The following DGKG variants were observed in gnomAD, a reference collection of about 807,000 sequenced individuals.
DGKG encodes diacylglycerol kinase gamma.
In DGKG, 78 loss-of-function variants were observed where a neutral mutation model predicts 105.3. That is an observed-to-expected ratio of 0.74 (90% CI 0.62 to 0.89). DGKG has a LOEUF of 0.89. Ranked by LOEUF, DGKG falls within the 40% of genes least tolerant of loss-of-function variation. DGKG has a pLI of 0.00. For missense variants in DGKG, 958 were observed against 1,020.1 expected, an observed-to-expected ratio of 0.94 and a Z score of 0.83; for synonymous variants, 346 against 367.1, an observed-to-expected ratio of 0.94 and a Z score of 0.66.
rs567661387 is a variant in DGKG at position 186,175,382 on chromosome 3, G to A, written c.2096-10364C>T. 3.3e-5 allele frequency among the ~76,000 whole-genome samples: 5 copies of A among 152,274 alleles called. No individual in the cohort carries two copies. The East Asian group carries it at 9.7e-4, about 29-fold the overall frequency. On this transcript the variant is annotated intron_variant, in intron 22 of 24. Transcript: ENST00000265022. ...AACCTGCTCGTGTGGTGGGTGGGACGGGAAAAATGTGTCCTCCATTCTGTG... is the reference window on the plus strand; with the variant it reads ...AACCTGCTCGTGTGGTGGGTGGGACAGGAAAAATGTGTCCTCCATTCTGTG...
chr3:186,311,357 G>T (rs1724533329), intron 2 of DGKG, among the ~76,000 whole-genome samples: 1 of 152,168 alleles, frequency 6.6e-6, no homozygotes, highest in African/African-American at 2.4e-5. Flanking sequence ...GCTGTGCTTG[G>T]CAGACATTAT....
At chr3:186,275,984 C>T (rs1485591662) in intron 9 of DGKG, among the ~76,000 whole-genome samples, 1 of 147,736 alleles carries the variant, frequency 6.8e-6, no homozygotes, top group Non-Finnish European at 1.5e-5. Flanking sequence ...ATCTATCTAT[C>T]TATCTATCTA....
chr3:186,237,213 C>G (rs1720460678), intron 20 of DGKG, among the ~76,000 whole-genome samples: 1 of 151,692 alleles, frequency 6.6e-6, no homozygotes, highest in Non-Finnish European at 1.5e-5. Flanking sequence ...TGACTACTGG[C>G]AAAAGTGTCT....
intron 24 of DGKG, among the ~76,000 whole-genome samples, chr3:186,154,266 G>C (rs13082892): frequency 0.15 from 22,593 of 152,170 alleles, 1,780 homozygotes; most frequent in South Asian, 0.29. Context: ...ATGGCTTTCC[G>C]GTCTTAGTTG....
intron 5 of DGKG, among the ~76,000 whole-genome samples, chr3:186,296,112 C>CAAAAAAAAAAAAAAAAAAAA (rs36070727): frequency 4.9e-5 from 7 of 143,390 alleles, no homozygotes; most frequent in African/African-American, 1.9e-4. Context: ...TTATCTCAGA[C>CAAAAAAAAAAAAAAAAAAAA]AAAAAAAAAA....
At chr3:186,183,438 A>G (rs183600312) in intron 22 of DGKG, among the ~76,000 whole-genome samples, 21 of 152,138 alleles carry the variant, frequency 1.4e-4, no homozygotes, top group Admixed American at 2.6e-4. Flanking sequence ...CACTATTCTT[A>G]TTGTTGTTAC....
rs1727231704 is a variant in DGKG, at chr3:186,361,576, C to A, written c.-249+370G>T. 2.0e-5 allele frequency among the ~76,000 whole-genome samples: 3 copies of A among 152,146 alleles called. No homozygotes were observed. The highest frequency in any genetic ancestry group is 7.2e-5 in the African/African-American group (3 of 41,428). On this transcript the variant is annotated intron_variant, in intron 1 of 24. Transcript: ENST00000265022. This position sits in a 1 kb window ranked among gnomAD's most constrained non-coding sequence, Gnocchi z 6.8. ...CTCCTGCTTCTCGGACTGCCTGGAGCGCGAACTGGATATCAAGGAGCCAAG... is the reference window on the plus strand; with the variant it reads ...CTCCTGCTTCTCGGACTGCCTGGAGAGCGAACTGGATATCAAGGAGCCAAG...
At chr3:186,308,293 A>T (rs566944602) in intron 2 of DGKG, among the ~76,000 whole-genome samples, 1 of 152,234 alleles carries the variant, frequency 6.6e-6, no homozygotes, top group Non-Finnish European at 1.5e-5. Context: ...TTAAAAACAC[A>T]TTATGAATGC....
rs193059575 is a variant in DGKG, at chr3:186,306,918, G to A, written c.127C>T (p.Gln43Ter). The change falls in exon 3 of 25, where the codon CAA (glutamine) becomes TAA (stop). Residue 43 changes from glutamine (Q) to a stop codon, truncating the protein, a stop_gained. Coordinates refer to ENST00000265022, the MANE Select transcript of DGKG (RefSeq NM_001346.3). LOFTEE classifies it high-confidence loss of function. ...GTTCTTACCTCATGTGGGTCATATT[G>A]TTTGAGGCTCCCACCCTCATTAAAT... The part of the protein sequence containing the change: ...TEFNEGGSLK[Q>*]YDPHEPISYD... 6.2e-7 allele frequency: 1 copy of A among 1,610,674 alleles called. No homozygotes were observed. The highest frequency in any genetic ancestry group is 1.7e-5 in the Admixed American group (1 of 59,960).
At position 186,268,643 on chromosome 3, in the gene DGKG, C is replaced by T. The variant is rs912413171; in HGVS notation, c.1116+158G>A. 5.9e-5 allele frequency among the ~76,000 whole-genome samples: 9 copies of T among 152,330 alleles called. No homozygotes were observed. The South Asian group carries it at 1.0e-3, about 18-fold the overall frequency. On this transcript the variant is annotated intron_variant, in intron 12 of 24. Coordinates refer to ENST00000265022, the MANE Select transcript of DGKG (RefSeq NM_001346.3). ...GCAGCTTGGTAATTCACTGGAGCATCGTTAGGCTGAGGGCATTGAATAGGC... is the reference window on the plus strand; with the variant it reads ...GCAGCTTGGTAATTCACTGGAGCATTGTTAGGCTGAGGGCATTGAATAGGC...
chr3:186,164,089 A>T (rs1235213392), intron 23 of DGKG, among the ~76,000 whole-genome samples: 3 of 152,160 alleles, frequency 2.0e-5, no homozygotes, highest in Admixed American at 1.3e-4. Flanking sequence ...ATGTGCTCTG[A>T]TGACACTTGC....
rs1719549489 is a variant in DGKG, at chr3:186,221,031, G to GCACA, written c.1827-9150_1827-9147dup. On this transcript the variant is annotated intron_variant, in intron 20 of 24. Coordinates refer to ENST00000265022, the MANE Select transcript of DGKG (RefSeq NM_001346.3). ...CAAGGACACACGTGTGCACGTGCGG[G>GCACA]CACACACACAGGCCGCAACAAGAAG... is the stretch of plus-strand genomic sequence containing the variant. 9.2e-5 allele frequency among the ~76,000 whole-genome samples: 14 copies of GCACA among 152,298 alleles called. 3 individuals carry two copies. The South Asian group carries it at 2.9e-3, about 32-fold the overall frequency.
At chr3:186,342,244 G>A (rs1328810876) in intron 1 of DGKG, among the ~76,000 whole-genome samples, 2 of 152,156 alleles carry the variant, frequency 1.3e-5, no homozygotes, top group Non-Finnish European at 2.9e-5. Context: ...GGAAATTCAC[G>A]ACCCTAAGGA....
At chr3:186,354,478 A>G (rs2092476734) in intron 1 of DGKG, among the ~76,000 whole-genome samples, 1 of 152,242 alleles carries the variant, frequency 6.6e-6, no homozygotes, top group Non-Finnish European at 1.5e-5. Flanking sequence ...CAAAACACAC[A>G]GAAAGGAGTG....
At chr3:186,260,667 C>T (rs1721728833) in intron 15 of DGKG, among the ~76,000 whole-genome samples, 154 bp from the exon 16 acceptor site, 2 of 152,044 alleles carry the variant, frequency 1.3e-5, no homozygotes, top group Admixed American at 6.5e-5. Flanking sequence ...GCCTGCTGAC[C>T]CTGGCGTCCA....
At position 186,215,240 on chromosome 3, in the gene DGKG, A is replaced by G. The variant is rs150685827; in HGVS notation, c.1827-3355T>C. ...CGCCTGGCCAACATGGTGAAACCCC[A>G]TCTCTACTAAAAATGCAAAAATGAG... On this transcript the variant is annotated intron_variant, in intron 20 of 24. Coordinates refer to ENST00000265022, the MANE Select transcript of DGKG (RefSeq NM_001346.3). Among the ~76,000 whole-genome samples, 811 of 152,212 alleles carry G rather than the reference A, an allele frequency of 5.3e-3. 18 individuals are homozygous for G. The South Asian group carries it at 0.065, about 12-fold the overall frequency.
chr3:186,256,238 G>C (rs1287294529), intron 17 of DGKG, among the ~76,000 whole-genome samples: 1 of 152,156 alleles, frequency 6.6e-6, no homozygotes, highest in Admixed American at 6.5e-5. Flanking sequence ...GCGCCCGGGG[G>C]AGTGGCGGGC....
At chr3:186,219,494 C>A (rs569384311) in intron 20 of DGKG, among the ~76,000 whole-genome samples, 1 of 152,328 alleles carries the variant, frequency 6.6e-6, no homozygotes, top group Non-Finnish European at 1.5e-5. Flanking sequence ...TTATAAATAG[C>A]TGTTTTTGTA....
chr3:186,236,342 G>A (rs60814923), intron 20 of DGKG, among the ~76,000 whole-genome samples: 4,002 of 152,198 alleles, frequency 0.026, 185 homozygotes, highest in African/African-American at 0.093. Context: ...ATACTTTATC[G>A]TCAATTTAAG....
Sources: allele counts gnomAD v4.1 joint callset (sites outside exome capture counted in the v4.1 genomes callset), GRCh38; gene constraint gnomAD v4.1.1; non-coding constraint Gnocchi (gnomAD v3.1); transcripts MANE v1.5; gene names NCBI Gene and HGNC (gene_info 2026-07-23, HGNC 2026-07-21).